Variants in NKAIN1 observed in about 807,000 individuals in gnomAD.
NKAIN1 encodes the protein sodium/potassium-transporting ATPase subunit beta-1-interacting protein 1.
NKAIN1 carries 13 observed loss-of-function variants against 31.6 expected under a neutral mutation model. That is an observed-to-expected ratio of 0.41 (90% confidence interval 0.27 to 0.65). The LOEUF is 0.65. NKAIN1 is among the 30% of genes least tolerant of loss of function. The pLI, the probability that NKAIN1 is intolerant of heterozygous loss-of-function variation, is 0.30. For synonymous variants in NKAIN1, 104 were observed against 109.0 expected (o/e 0.95, Z 0.28); for missense variants, 193 against 262.2 (o/e 0.74, Z 1.82).
rs183705437 is a variant in NKAIN1, at chr1:31,198,521, G to A, written c.55-10334C>T. 1.0e-3 allele frequency among the ~76,000 whole-genome samples: 153 copies of A among 151,854 alleles called. No homozygotes were observed. In the South Asian group the frequency reaches 0.013, roughly 13 times the overall value. On this transcript the variant is annotated intron_variant, in intron 1 of 6. Coordinates refer to ENST00000373736, the MANE Select transcript of NKAIN1 (RefSeq NM_024522.3). ...ACTTGTTCCACGTCCCCCACTCGCC[G>A]CAGCCCATCCTCAAGCCCTGGCTCT...
At chr1:31,210,975 C>G (rs142188791) in intron 1 of NKAIN1, among the ~76,000 whole-genome samples, 9 of 152,296 alleles carry the variant, frequency 5.9e-5, no homozygotes, top group African/African-American at 2.2e-4. Context: ...GACAGAAACA[C>G]TCAACAAAAT....
At chr1:31,198,169 A>C (rs1645345911) in intron 1 of NKAIN1, among the ~76,000 whole-genome samples, 1 of 152,168 alleles carries the variant, frequency 6.6e-6, no homozygotes, top group African/African-American at 2.4e-5. Flanking sequence ...GGCACACTCC[A>C]GGTGCTAAAA....
intron 4 of NKAIN1, 111 bp from the exon 5 acceptor site, chr1:31,182,701 G>T: frequency 2.7e-6 from 3 of 1,091,236 alleles, no homozygotes; most frequent in Non-Finnish European, 2.7e-6. Flanking sequence ...ATGCCAGGAT[G>T]AAGGCAAACC....
intron 1 of NKAIN1, among the ~76,000 whole-genome samples, chr1:31,200,748 C>T (rs10914312): frequency 0.039 from 5,956 of 152,168 alleles, 362 homozygotes; most frequent in African/African-American, 0.13. Context: ...CAGGTGTGAG[C>T]CACTGTGCCC....
At chr1:31,208,509 A>G (rs1291372245) in intron 1 of NKAIN1, among the ~76,000 whole-genome samples, 3 of 152,052 alleles carry the variant, frequency 2.0e-5, no homozygotes, top group Admixed American at 1.3e-4. Context: ...TTGCTACCCT[A>G]TCAAGCAGGG....
chr1:31,189,962 GA>G (rs2148350614), intron 1 of NKAIN1, among the ~76,000 whole-genome samples: 1 of 152,294 alleles, frequency 6.6e-6, no homozygotes, highest in African/African-American at 2.4e-5. Flanking sequence ...GAGGAAGACT[GA>G]ACACACAAGG....
chr1:31,196,239 T>C (rs192603468), intron 1 of NKAIN1, among the ~76,000 whole-genome samples: 5,137 of 151,210 alleles, frequency 0.034, 157 homozygotes, highest in African/African-American at 0.076. Context: ...ATTGGCCGGG[T>C]GCGGTGGCTC....
rs986347164 is a variant in NKAIN1 at position 31,185,443 on chromosome 1, C to A, written c.193-116G>T. ...TGGGCAGGGGAAATTATGAGAATACCTCACTCAGAGAGCACAGTGTAGCTT... is the reference window on the plus strand; with the variant it reads ...TGGGCAGGGGAAATTATGAGAATACATCACTCAGAGAGCACAGTGTAGCTT... On this transcript the variant is annotated intron_variant, in intron 2 of 6. Transcript: ENST00000373736. The A allele has an allele frequency of 9.0e-6, 7 of 780,976 alleles. No homozygotes were observed. In the Admixed American group the frequency reaches 1.3e-4, roughly 14 times the overall value. The allele number at this position is 780,976 out of a possible 1,614,324, so 48.4% of individuals were successfully genotyped here. A position where few individuals can be genotyped will look rare whatever the true frequency, so the allele number is the denominator to read the frequency against.
intron 1 of NKAIN1, among the ~76,000 whole-genome samples, chr1:31,221,281 C>CT (rs1645562756): frequency 1.3e-5 from 2 of 152,126 alleles, no homozygotes; most frequent in African/African-American, 4.8e-5. Flanking sequence ...CCTGGGCAGG[C>CT]TTTCAGTGTC....
intron 1 of NKAIN1, among the ~76,000 whole-genome samples, chr1:31,200,390 C>G (rs560691615): frequency 2.0e-5 from 3 of 151,118 alleles, no homozygotes; most frequent in African/African-American, 7.3e-5. Context: ...GACTTTGAAT[C>G]TTAACTATAT....
intron 1 of NKAIN1, among the ~76,000 whole-genome samples, chr1:31,223,876 G>A (rs946203586): frequency 2.6e-5 from 4 of 152,202 alleles, no homozygotes; most frequent in African/African-American, 4.8e-5. Flanking sequence ...TCTGCTGAAC[G>A]AATGTTTTCT....
intron 1 of NKAIN1, among the ~76,000 whole-genome samples, chr1:31,231,518 G>GT (rs1645647628): frequency 1.4e-5 from 2 of 138,822 alleles, no homozygotes; most frequent in South Asian, 4.8e-4. Context: ...TGTTTTTGTT[G>GT]TTGTTTGTTG....
At chr1:31,185,383 T>C in intron 2 of NKAIN1, 56 bp from the exon 3 acceptor site, 1 of 1,402,384 alleles carries the variant, frequency 7.1e-7, no homozygotes, top group Non-Finnish European at 9.9e-7. Flanking sequence ...GGATGGGGAG[T>C]GTCAATGGAG....
chr1:31,187,842 T>C (rs1042730360), intron 2 of NKAIN1, among the ~76,000 whole-genome samples: 1 of 151,112 alleles, frequency 6.6e-6, no homozygotes, highest in South Asian at 2.1e-4. Context: ...ATTATTTCCC[T>C]AAAAAATTCT....
At chr1:31,232,466 G>A (rs1476154609) in intron 1 of NKAIN1, among the ~76,000 whole-genome samples, 1 of 129,636 alleles carries the variant, frequency 7.7e-6, no homozygotes, top group Non-Finnish European at 1.7e-5. Context: ...GAGAGAGAGA[G>A]AGAGAGTGGG....
chr1:31,205,289 C>A (rs999948385), intron 1 of NKAIN1, among the ~76,000 whole-genome samples: 4 of 151,778 alleles, frequency 2.6e-5, no homozygotes, highest in Non-Finnish European at 4.4e-5. Context: ...TGCCACCACA[C>A]CCAGCTAATT....
intron 1 of NKAIN1, among the ~76,000 whole-genome samples, chr1:31,204,633 CAG>C (rs1343601550): frequency 6.6e-6 from 1 of 152,180 alleles, no homozygotes; most frequent in African/African-American, 2.4e-5. Context: ...AAGGCTCTCC[CAG>C]GAGACGCCGG....
chr1:31,203,957 C>G lies in NKAIN1; in HGVS notation c.55-15770G>C, dbSNP rs185118095. On this transcript the variant is annotated intron_variant, in intron 1 of 6. Transcript: ENST00000373736. Reference sequence around the variant, plus strand: ...TGATGGCGACAAATGAGCACACCCCCATGAGTCTGCCTGAGACTGTGGGTG... The same window carrying G: ...TGATGGCGACAAATGAGCACACCCCGATGAGTCTGCCTGAGACTGTGGGTG... Among the ~76,000 whole-genome samples the G allele has an allele frequency of 1.3e-3, 196 of 152,272 alleles. 1 individual carries two copies. Among genetic ancestry groups the G allele is most frequent in the Non-Finnish European group, 1.8e-3 (123 of 68,020 alleles).
chr1:31,224,714 A>G (rs1055999253), intron 1 of NKAIN1, among the ~76,000 whole-genome samples: 6 of 152,262 alleles, frequency 3.9e-5, no homozygotes, highest in East Asian at 1.9e-4. Flanking sequence ...TGAGTGGCAG[A>G]GAAGGCACCT....
Sources: gnomAD v4.1 joint callset for allele counts (sites outside exome capture counted in the v4.1 genomes callset) on GRCh38, gnomAD v4.1.1 for gene constraint, MANE v1.5 for transcripts, NCBI Gene and HGNC (gene_info 2026-07-23, HGNC 2026-07-21) for gene names.